ADAMTS17: variants seen among roughly 807,000 people sequenced by gnomAD.
ADAMTS17 encodes ADAM metallopeptidase with thrombospondin type 1 motif 17, also known as A disintegrin and metalloproteinase with thrombospondin motifs 17.
In ADAMTS17, 113 loss-of-function variants were observed where a neutral mutation model predicts 141.5. The ratio of observed to expected loss-of-function variants is 0.80; its 90% CI spans 0.69 to 0.93. The LOEUF (loss-of-function observed/expected upper bound fraction) is 0.93, where lower values mean the gene tolerates loss of function less well. Among genes scored for constraint, ADAMTS17 ranks in the 40% least tolerant of loss-of-function variants. The pLI is 0.00. For missense variants in ADAMTS17, 1,659 were observed against 1,517.9 expected (o/e 1.09, Z -1.54); for synonymous variants, 768 against 630.6 (o/e 1.22, Z -3.27).
intron 14 of ADAMTS17, among the ~76,000 whole-genome samples, chr15:100,101,501 G>C (rs953779638): frequency 6.6e-6 from 1 of 152,212 alleles, no homozygotes; most frequent in Non-Finnish European, 1.5e-5. Flanking sequence ...ACCTCTTCTT[G>C]GTTGTTAAAT....
At chr15:100,123,304 A>C (rs913515279) in intron 12 of ADAMTS17, among the ~76,000 whole-genome samples, 3 of 152,350 alleles carry the variant, frequency 2.0e-5, no homozygotes, top group South Asian at 2.1e-4. Context: ...AAACACATCT[A>C]GGGAGACTAA....
chr15:100,102,904 G>A (rs914263058), intron 14 of ADAMTS17, among the ~76,000 whole-genome samples: 1 of 152,178 alleles, frequency 6.6e-6, no homozygotes, highest in East Asian at 1.9e-4. Context: ...CTTCACTTCC[G>A]ACCCTCCATT....
At chr15:100,331,265 G>T (rs770634524) in intron 2 of ADAMTS17, among the ~76,000 whole-genome samples, 3 of 152,182 alleles carry the variant, frequency 2.0e-5, no homozygotes, top group African/African-American at 4.8e-5. Flanking sequence ...GTTGGGGGTA[G>T]GGGTACAGAG....
intron 3 of ADAMTS17, chr15:100,306,727 T>C (rs976672181): frequency 5.4e-6 from 2 of 370,476 alleles, no homozygotes; most frequent in Non-Finnish European, 1.1e-5. Flanking sequence ...CCATAACTTG[T>C]TCGTTTCTCC....
At chr15:100,210,326 C>CA (rs980359432) in intron 7 of ADAMTS17, among the ~76,000 whole-genome samples, 21 of 149,858 alleles carry the variant, frequency 1.4e-4, no homozygotes, top group African/African-American at 5.1e-4. Context: ...TAACATTTGT[C>CA]AGACACTTAC....
chr15:100,193,916 G>A (rs186281077), intron 8 of ADAMTS17, among the ~76,000 whole-genome samples: 336 of 152,342 alleles, frequency 2.2e-3, no homozygotes, highest in Admixed American at 4.2e-3. Context: ...GAGCACGTGC[G>A]TGGCGCTGGT....
intron 12 of ADAMTS17, among the ~76,000 whole-genome samples, chr15:100,125,525 A>T (rs1596496939): frequency 6.6e-6 from 1 of 151,186 alleles, no homozygotes; most frequent in South Asian, 2.1e-4. Context: ...TCTGCACTCC[A>T]CTCTCCTGCC....
intron 3 of ADAMTS17, among the ~76,000 whole-genome samples, chr15:100,307,238 C>G (rs187206781): frequency 9.8e-5 from 15 of 152,290 alleles, no homozygotes; most frequent in African/African-American, 3.6e-4. Flanking sequence ...GACTCTGCTT[C>G]TTGGACAGAG....
chr15:100,077,579 T>TA (rs2034467874), intron 15 of ADAMTS17, among the ~76,000 whole-genome samples: 1 of 151,984 alleles, frequency 6.6e-6, no homozygotes, highest in Non-Finnish European at 1.5e-5. Flanking sequence ...TCCTTCCTGA[T>TA]AAAAATACTC....
chr15:100,146,115 C>G (rs2086453), intron 10 of ADAMTS17, among the ~76,000 whole-genome samples: 146,660 of 152,342 alleles, frequency 0.96, 70,841 homozygotes, highest in East Asian at 1. Flanking sequence ...GGAGGTTGCA[C>G]TGAGCTGAGA....
intron 15 of ADAMTS17, among the ~76,000 whole-genome samples, chr15:100,091,404 A>G (rs966166578): frequency 2.6e-5 from 4 of 152,182 alleles, no homozygotes; most frequent in African/African-American, 7.2e-5. Context: ...AAATCCAGTT[A>G]CAGGAACATG....
chr15:100,143,650 C>G (rs1054266279), intron 10 of ADAMTS17, among the ~76,000 whole-genome samples: 6 of 152,154 alleles, frequency 3.9e-5, no homozygotes, highest in Admixed American at 3.3e-4. Flanking sequence ...TTGAGCCTTA[C>G]AATACTAGCA....
intron 12 of ADAMTS17, among the ~76,000 whole-genome samples, chr15:100,117,587 A>G (rs1179912305): frequency 2.0e-5 from 3 of 152,186 alleles, no homozygotes; most frequent in Non-Finnish European, 4.4e-5. Flanking sequence ...CACATGGTCA[A>G]TGCTATGGTC....
intron 7 of ADAMTS17, among the ~76,000 whole-genome samples, chr15:100,221,064 T>C (rs1173614029): frequency 1.4e-4 from 22 of 152,182 alleles, no homozygotes; most frequent in Non-Finnish European, 4.4e-5. Flanking sequence ...TAACTCTATG[T>C]TTAATTTCTT....
At chr15:100,037,209 TCAA>T (rs1265094051) in intron 18 of ADAMTS17, among the ~76,000 whole-genome samples, 3 of 152,238 alleles carry the variant, frequency 2.0e-5, no homozygotes, top group Non-Finnish European at 2.9e-5. Flanking sequence ...GACATCCTCA[TCAA>T]CATTTGTTAT....
chr15:100,092,572 T>A (rs1027884541), intron 15 of ADAMTS17, among the ~76,000 whole-genome samples: 15 of 152,330 alleles, frequency 9.8e-5, no homozygotes, highest in Middle Eastern at 3.4e-3. Flanking sequence ...TAAAGAAGCC[T>A]CATTTTGTAC....
intron 15 of ADAMTS17, among the ~76,000 whole-genome samples, chr15:100,076,162 C>G (rs768156839): frequency 6.6e-6 from 1 of 152,166 alleles, no homozygotes; most frequent in Non-Finnish European, 1.5e-5. Flanking sequence ...CCTACCTCAG[C>G]TTCCTTAGTA....
intron 8 of ADAMTS17, among the ~76,000 whole-genome samples, chr15:100,190,364 C>T (rs1197900242): frequency 3.3e-5 from 5 of 152,194 alleles, no homozygotes; most frequent in African/African-American, 1.2e-4. Flanking sequence ...CACCTTCGCA[C>T]AAAGTGAGAG....
At chr15:100,287,654 G>A (rs192356313) in intron 3 of ADAMTS17, among the ~76,000 whole-genome samples, 6 of 152,288 alleles carry the variant, frequency 3.9e-5, no homozygotes, top group Admixed American at 6.5e-5. Flanking sequence ...GGTCACCTAC[G>A]AAGGGAACCC....
Sources: gnomAD v4.1 joint callset for allele counts (sites outside exome capture counted in the v4.1 genomes callset) on GRCh38, gnomAD v4.1.1 for gene constraint, MANE v1.5 for transcripts, NCBI Gene and HGNC (gene_info 2026-07-23, HGNC 2026-07-21) for gene names.